Variants in NPAS3 observed in about 807,000 individuals in gnomAD.
NPAS3 encodes the protein neuronal PAS domain-containing protein 3.
NPAS3 carries 14 observed loss-of-function variants against 73.1 expected under a neutral mutation model. That is an observed-to-expected ratio of 0.19 (90% CI 0.13 to 0.30). The LOEUF (loss-of-function observed/expected upper bound fraction) is 0.30, where lower values mean the gene tolerates loss of function less well. Among genes scored for constraint, NPAS3 ranks in the 10% least tolerant of loss-of-function variants. The pLI is 1.00. For missense variants in NPAS3, 1,096 were observed against 1,250.0 expected (o/e 0.88, Z 1.86); for synonymous variants, 620 against 541.5 (o/e 1.14, Z -2.01).
intron 2 of NPAS3, among the ~76,000 whole-genome samples, chr14:33,159,725 T>C (rs975878029): frequency 6.6e-6 from 1 of 152,066 alleles, no homozygotes; most frequent in African/African-American, 2.4e-5. Flanking sequence ...GGCTTATTTT[T>C]TGTATTTTGA....
intron 3 of NPAS3, among the ~76,000 whole-genome samples, chr14:33,225,783 A>AGCCAACTC (rs1238624799): frequency 1.3e-5 from 2 of 152,198 alleles, no homozygotes; most frequent in African/African-American, 4.8e-5. Context: ...TGCCATAGAT[A>AGCCAACTC]GCCAACTCCT....
At chr14:33,015,426 G>C (rs1289018700) in intron 1 of NPAS3, among the ~76,000 whole-genome samples, 6 of 152,142 alleles carry the variant, frequency 3.9e-5, no homozygotes, top group Admixed American at 3.9e-4. Flanking sequence ...AAATTCTCTG[G>C]AAACCATAGT....
At chr14:33,428,622 T>G (rs1034589900) in intron 4 of NPAS3, among the ~76,000 whole-genome samples, 2 of 152,166 alleles carry the variant, frequency 1.3e-5, no homozygotes, top group African/African-American at 4.8e-5. Flanking sequence ...AAATGATCCA[T>G]TCACACTTTA....
intron 7 of NPAS3, among the ~76,000 whole-genome samples, chr14:33,751,416 A>G (rs2061958754): frequency 6.6e-6 from 1 of 152,162 alleles, no homozygotes; most frequent in Admixed American, 6.6e-5. Flanking sequence ...ATAAATAGAC[A>G]TTTGGAGAAG....
At chr14:33,253,581 G>A (rs553422540) in intron 3 of NPAS3, among the ~76,000 whole-genome samples, 6 of 151,856 alleles carry the variant, frequency 4.0e-5, no homozygotes, top group African/African-American at 1.2e-4. Context: ...TTTATTTTTG[G>A]TACTTTTCTC....
At chr14:33,797,336 T>C (rs1391766503) in intron 10 of NPAS3, 121 bp from the exon 11 acceptor site, 3 of 1,078,590 alleles carry the variant, frequency 2.8e-6, no homozygotes, top group Non-Finnish European at 2.7e-6. Flanking sequence ...TGATTTCATG[T>C]TTAGTCTTTG....
chr14:33,539,064 G>C (rs979437814), intron 4 of NPAS3, among the ~76,000 whole-genome samples: 1 of 152,116 alleles, frequency 6.6e-6, no homozygotes, highest in African/African-American at 2.4e-5. Context: ...GAGGGAGGGG[G>C]AATCAATGAA....
intron 5 of NPAS3, among the ~76,000 whole-genome samples, chr14:33,621,749 C>T (rs1364750753): frequency 6.6e-6 from 1 of 151,990 alleles, no homozygotes; most frequent in Non-Finnish European, 1.5e-5. Context: ...AATAAGCAAA[C>T]TACAAGGGGT....
chr14:33,339,423 T>C (rs1178957327), intron 3 of NPAS3, among the ~76,000 whole-genome samples: 1 of 152,214 alleles, frequency 6.6e-6, no homozygotes, highest in Non-Finnish European at 1.5e-5. Context: ...TCAAAGCCTC[T>C]TTTTTCAAGA....
At position 33,492,451 on chromosome 14, in the gene NPAS3, T is replaced by C. The variant is rs111586784; in HGVS notation, c.469-67670T>C. ...GCAGAGGAAGAGATTATTCTTTGCA[T>C]TTACTTAGGAGGACATGAATGTTTC... On this transcript the variant is annotated intron_variant, in intron 4 of 11. Coordinates refer to ENST00000356141, the Ensembl canonical transcript of NPAS3. 2.4e-3 allele frequency among the ~76,000 whole-genome samples: 373 copies of C among 152,274 alleles called. 2 individuals are homozygous for C. Among genetic ancestry groups the C allele is most frequent in the African/African-American group, 8.1e-3 (336 of 41,564 alleles).
At chr14:33,146,597 C>G (rs995187415) in intron 2 of NPAS3, among the ~76,000 whole-genome samples, 1 of 152,172 alleles carries the variant, frequency 6.6e-6, no homozygotes, top group African/African-American at 2.4e-5. Context: ...GGAGGACATG[C>G]AGAAGAGGAA....
At chr14:33,518,062 G>A (rs1406834804) in intron 4 of NPAS3, among the ~76,000 whole-genome samples, 1 of 152,082 alleles carries the variant, frequency 6.6e-6, no homozygotes, top group Non-Finnish European at 1.5e-5. Flanking sequence ...AGCAAAAGAT[G>A]ATATGACTAA....
Position 32,940,743 on chromosome 14 carries a change from C to T in NPAS3, c.50+1377C>T, listed in dbSNP as rs182952262. Among the ~76,000 whole-genome samples the T allele has an allele frequency of 1.8e-4, 28 of 152,196 alleles. No homozygotes were observed. The East Asian group carries it at 5.2e-3, about 28-fold the overall frequency. On this transcript the variant is annotated intron_variant, in intron 1 of 11. Transcript: ENST00000356141. ...TTAACCTATAGCTTACATCAGAAGA[C>T]GATAAGGGGATATTCAGACATCCAT...
Position 33,470,849 on chromosome 14 carries a change from A to G in NPAS3, c.469-89272A>G, listed in dbSNP as rs546349758. On this transcript the variant is annotated intron_variant, in intron 4 of 11. Transcript: ENST00000356141. The stretch of plus-strand genomic sequence containing the variant: ...ATGGTGACCATTTCAGAGATATTCT[A>G]TTTACTGAGCATCCGGCCTGAGAAC... 7.9e-5 allele frequency among the ~76,000 whole-genome samples: 12 copies of G among 151,834 alleles called. No individual in the cohort carries two copies. In the South Asian group the frequency reaches 1.5e-3, roughly 18 times the overall value.
chr14:32,946,981 T>TA lies in NPAS3; in HGVS notation c.50+7616dup, dbSNP rs534487672. Reference sequence around the variant, plus strand: ...ATTAAAGGGCTGTGAGTTGGGTACCTAGTGTAAAACATTAAACTTACAAAT... The same window carrying TA: ...ATTAAAGGGCTGTGAGTTGGGTACCTAAGTGTAAAACATTAAACTTACAAAT... On this transcript the variant is annotated intron_variant, in intron 1 of 11. Coordinates refer to ENST00000356141, the Ensembl canonical transcript of NPAS3. 5.3e-5 allele frequency among the ~76,000 whole-genome samples: 8 copies of TA among 152,322 alleles called. No homozygotes were observed. The South Asian group carries it at 1.7e-3, about 32-fold the overall frequency.
At chr14:33,388,755 T>C (rs1021441682) in intron 4 of NPAS3, among the ~76,000 whole-genome samples, 1 of 152,116 alleles carries the variant, frequency 6.6e-6, no homozygotes, top group Non-Finnish European at 1.5e-5. Context: ...TTTACAGAGA[T>C]AGGAAATGAT....
At chr14:33,125,423 G>C (rs1233227954) in intron 2 of NPAS3, among the ~76,000 whole-genome samples, 2 of 151,218 alleles carry the variant, frequency 1.3e-5, no homozygotes, top group Non-Finnish European at 3.0e-5. Flanking sequence ...TAAAATTATG[G>C]AACAAAAAAT....
chr14:33,672,373 A>C (rs1030412450), intron 5 of NPAS3, among the ~76,000 whole-genome samples: 10 of 152,208 alleles, frequency 6.6e-5, no homozygotes, highest in African/African-American at 2.4e-4. Flanking sequence ...AGTACAAGTA[A>C]AAGAAATTTT....
At chr14:33,303,645 G>C (rs2042640839) in intron 3 of NPAS3, among the ~76,000 whole-genome samples, 1 of 152,164 alleles carries the variant, frequency 6.6e-6, no homozygotes, top group Non-Finnish European at 1.5e-5. Flanking sequence ...ATGAATAATA[G>C]AAAACCAAAT....
Sources: allele counts gnomAD v4.1 joint callset (sites outside exome capture counted in the v4.1 genomes callset), GRCh38; gene constraint gnomAD v4.1.1; transcripts MANE v1.5; gene names NCBI Gene and HGNC (gene_info 2026-07-23, HGNC 2026-07-21).